TRERF1: variants seen among roughly 807,000 people sequenced by gnomAD.
TRERF1 encodes transcriptional-regulating factor 1.
Under a neutral mutation model 122.9 loss-of-function variants are expected in TRERF1, and 27 were observed. The observed-to-expected ratio is 0.22, with a 90% CI of 0.16 to 0.30. The LOEUF (loss-of-function observed/expected upper bound fraction) is 0.30. Among genes scored for constraint, TRERF1 ranks in the 10% least tolerant of loss-of-function variants. The pLI, the probability that TRERF1 is intolerant of heterozygous loss-of-function variation, is 1.00. For missense variants in TRERF1, 1,248 were observed against 1,560.3 expected, an observed-to-expected ratio of 0.80 and a Z score of 3.37; for synonymous variants, 636 against 641.7, an observed-to-expected ratio of 0.99 and a Z score of 0.13.
chr6:42,298,157 T>C (rs562407622), intron 4 of TRERF1, among the ~76,000 whole-genome samples: 1 of 152,010 alleles, frequency 6.6e-6, no homozygotes, highest in African/African-American at 2.4e-5. Flanking sequence ...GTTTTTGTTT[T>C]TGTTTTTGTT....
At chr6:42,301,200 T>C (rs1334352978) in intron 3 of TRERF1, among the ~76,000 whole-genome samples, 1 of 151,806 alleles carries the variant, frequency 6.6e-6, no homozygotes, top group Non-Finnish European at 1.5e-5. Flanking sequence ...TTATTTGTCA[T>C]GAAGAACCAG....
At chr6:42,443,923 T>A (rs926862588) in intron 2 of TRERF1, among the ~76,000 whole-genome samples, 1 of 152,164 alleles carries the variant, frequency 6.6e-6, no homozygotes, top group African/African-American at 2.4e-5. Flanking sequence ...CATCGCACTT[T>A]CCATACATGA....
In TRERF1 at chr6:42,334,388, C is replaced by A. The variant is rs186791694; in HGVS notation, c.-371+28609G>T. Reference sequence around the variant, plus strand: ...AGTTGTAAAGCAACTGAAGTCCCAACTCTAATAGTCTCAACAATTGTATTA... The same window carrying A: ...AGTTGTAAAGCAACTGAAGTCCCAAATCTAATAGTCTCAACAATTGTATTA... On this transcript the variant is annotated intron_variant, in intron 3 of 17. Coordinates refer to ENST00000372922, the Ensembl canonical transcript of TRERF1. 7.9e-5 allele frequency among the ~76,000 whole-genome samples: 12 copies of A among 152,310 alleles called. No homozygotes were observed. The East Asian group carries it at 2.1e-3, about 27-fold the overall frequency.
At chr6:42,249,152 G>A (rs1360580992) in intron 13 of TRERF1, among the ~76,000 whole-genome samples, 1 of 152,166 alleles carries the variant, frequency 6.6e-6, no homozygotes, top group Admixed American at 6.5e-5. Context: ...CAGAATCCGT[G>A]TGGCCCTCAG....
At chr6:42,429,196 C>T (rs1784108908) in intron 2 of TRERF1, among the ~76,000 whole-genome samples, 1 of 152,210 alleles carries the variant, frequency 6.6e-6, no homozygotes, top group Non-Finnish European at 1.5e-5. Context: ...CAAAATGCAC[C>T]TCACTTCTCT....
At chr6:42,359,988 T>C (rs185554253) in intron 3 of TRERF1, among the ~76,000 whole-genome samples, 1 of 152,286 alleles carries the variant, frequency 6.6e-6, no homozygotes, top group African/African-American at 2.4e-5. Flanking sequence ...CCATAAACAC[T>C]AAATATTTTA....
At chr6:42,256,896 C>G (rs1458838332) in intron 11 of TRERF1, 65 bp from the exon 12 acceptor site, 2 of 1,613,172 alleles carry the variant, frequency 1.2e-6, no homozygotes. Flanking sequence ...ACACACCAAT[C>G]CCAGAGCCAG....
At chr6:42,230,048 AG>A (rs1195036754) in intron 17 of TRERF1, among the ~76,000 whole-genome samples, 1 of 152,028 alleles carries the variant, frequency 6.6e-6, no homozygotes, top group Non-Finnish European at 1.5e-5. Context: ...GTTTATGGAG[AG>A]GGGGTGGCAT....
intron 15 of TRERF1, among the ~76,000 whole-genome samples, chr6:42,241,043 C>A (rs1773580545): frequency 6.6e-6 from 1 of 152,152 alleles, no homozygotes; most frequent in African/African-American, 2.4e-5. Flanking sequence ...CAGGCGTGCA[C>A]TACCACGTCC....
intron 3 of TRERF1, among the ~76,000 whole-genome samples, chr6:42,317,833 T>C (rs1277198596): frequency 6.6e-6 from 1 of 152,102 alleles, no homozygotes; most frequent in Non-Finnish European, 1.5e-5. Context: ...TGAATCCTGC[T>C]TATAAAATAA....
Position 42,268,970 on chromosome 6 carries a change from C to G in TRERF1, c.621G>C (p.Gln207His). The G allele has an allele frequency of 6.2e-7, 1 of 1,612,164 alleles. No homozygotes were observed. Among genetic ancestry groups the G allele is most frequent in the Non-Finnish European group, 8.5e-7 (1 of 1,178,608 alleles). Residue 207 changes from glutamine to histidine, a missense_variant, in exon 5 of 18, where the codon CAG becomes CAC. This residue lies in a region of TRERF1 where 946 missense variants were observed against 1,073.0 expected (regional missense o/e 0.88). Coordinates refer to ENST00000372922, the Ensembl canonical transcript of TRERF1. This position sits in a 1 kb window ranked among gnomAD's most constrained non-coding sequence, Gnocchi z 4.4. ...GCCCACCAGTGAAACCAGGGTGAGG[C>G]TGCTGGGGCACCTGCTGGTAGCGGG...
chr6:42,416,955 A>G lies in TRERF1; in HGVS notation c.-454+34222T>C, dbSNP rs942347853. On this transcript the variant is annotated intron_variant, in intron 2 of 17. Coordinates refer to ENST00000372922, the Ensembl canonical transcript of TRERF1. ...TTATATAAACTATTTCTAAACATAG[A>G]AAAAGATCCTACCAGCATCACTATA... is the stretch of plus-strand genomic sequence containing the variant. Among the ~76,000 whole-genome samples the G allele has an allele frequency of 3.3e-5, 5 of 152,300 alleles. No homozygotes were observed. The South Asian group carries it at 8.3e-4, about 25-fold the overall frequency.
chr6:42,319,187 C>T (rs895939237), intron 3 of TRERF1, among the ~76,000 whole-genome samples: 6 of 152,132 alleles, frequency 3.9e-5, no homozygotes, highest in Admixed American at 2.6e-4. Context: ...ATGACATTTT[C>T]ACACCACAGA....
At chr6:42,351,654 G>C (rs1769468491) in intron 3 of TRERF1, among the ~76,000 whole-genome samples, 1 of 152,072 alleles carries the variant, frequency 6.6e-6, no homozygotes, top group South Asian at 2.1e-4. Context: ...GGGATTTTCA[G>C]CAAGAAGCAG....
At chr6:42,245,754 A>G (rs1774669804) in intron 14 of TRERF1, among the ~76,000 whole-genome samples, 1 of 152,246 alleles carries the variant, frequency 6.6e-6, no homozygotes, top group Non-Finnish European at 1.5e-5. Context: ...GAGGGAGGCC[A>G]CATATTCTCC....
intron 3 of TRERF1, among the ~76,000 whole-genome samples, chr6:42,326,554 G>C (rs1437406534): frequency 6.6e-6 from 1 of 152,208 alleles, no homozygotes; most frequent in Non-Finnish European, 1.5e-5. Flanking sequence ...ATATAATCCA[G>C]GAGGATGGGG....
intron 2 of TRERF1, among the ~76,000 whole-genome samples, chr6:42,367,981 C>T (rs192045724): frequency 1.2e-4 from 18 of 152,238 alleles, no homozygotes; most frequent in Non-Finnish European, 2.6e-4. Flanking sequence ...GACACCCTGC[C>T]TGGCCCTAAC....
At chr6:42,280,177 G>A (rs1271112521) in intron 4 of TRERF1, among the ~76,000 whole-genome samples, 1 of 152,048 alleles carries the variant, frequency 6.6e-6, no homozygotes, top group Admixed American at 6.5e-5. Context: ...TTTAAGATAA[G>A]GGGGCTCGGA....
chr6:42,259,843 C>CA lies in TRERF1; in HGVS notation c.1885-121dup. On this transcript the variant is annotated intron_variant, in intron 8 of 17. Transcript: ENST00000372922. This position sits in a 1 kb window ranked among gnomAD's most constrained non-coding sequence, Gnocchi z 4.9. ...AGAGAGCCCTTCTGCTTGACCCCCC[C>CA]ACCCCCAACGCCCCCACATTCTGAC... The CA allele has an allele frequency of 7.2e-7, 1 of 1,381,538 alleles. No homozygotes were observed. The highest frequency in any genetic ancestry group is 2.3e-5 in the East Asian group (1 of 43,032). The allele number at this position is 1,381,538 out of a possible 1,614,324, so 85.6% of individuals were successfully genotyped here. A position where few individuals can be genotyped will look rare whatever the true frequency, so the allele number is the denominator to read the frequency against.
Sources: allele counts gnomAD v4.1 joint callset (sites outside exome capture counted in the v4.1 genomes callset), GRCh38; gene constraint gnomAD v4.1.1; regional missense constraint gnomAD v4.1.1; non-coding constraint Gnocchi (gnomAD v3.1); transcripts MANE v1.5; gene names NCBI Gene and HGNC (gene_info 2026-07-23, HGNC 2026-07-21).